Variants in MTCL2 observed in about 807,000 individuals in gnomAD.
MTCL2 encodes the protein microtubule cross-linking factor 2.
the MTCL2 span, among the ~76,000 whole-genome samples, chr20:36,831,319 G>A: frequency 6.6e-6 from 1 of 152,250 alleles, no homozygotes; most frequent in East Asian, 1.9e-4. Flanking sequence ...GTCACGCAAA[G>A]CCAGTGTGGG....
the MTCL2 span, among the ~76,000 whole-genome samples, chr20:36,792,557 T>G: frequency 1.3e-5 from 2 of 150,430 alleles, no homozygotes; most frequent in Non-Finnish European, 1.5e-5. Context: ...ATGCTGACAA[T>G]TGGCTCCTGC....
At chr20:36,790,428 C>CA in the MTCL2 span, among the ~76,000 whole-genome samples, 1 of 101,142 alleles carries the variant, frequency 9.9e-6, no homozygotes, top group Non-Finnish European at 1.9e-5. Context: ...ACGCCTGGCC[C>CA]TTTTTTTTTT....
the MTCL2 span, among the ~76,000 whole-genome samples, chr20:36,838,152 G>A: frequency 6.6e-6 from 1 of 151,794 alleles, no homozygotes; most frequent in Non-Finnish European, 1.5e-5. Flanking sequence ...GTGGGTTCAC[G>A]CCATTCTCCT....
At chr20:36,797,354 G>A in the MTCL2 span, 7 of 742,176 alleles carry the variant, frequency 9.4e-6, no homozygotes, top group Non-Finnish European at 1.5e-5. Flanking sequence ...GGAACCATGA[G>A]ATACAGACTC....
At chr20:36,797,050 T>G in the MTCL2 span, 1 of 1,045,594 alleles carries the variant, frequency 9.6e-7, no homozygotes, top group Non-Finnish European at 1.5e-6. Context: ...TTGAATCTCC[T>G]CATCCGGAGA....
At chr20:36,856,070 C>A in the MTCL2 span, among the ~76,000 whole-genome samples, 649 of 152,296 alleles carry the variant, frequency 4.3e-3, 5 homozygotes, top group African/African-American at 0.014. Context: ...GCCAGCCCAA[C>A]GCCCCTTCCC....
At chr20:36,817,560 G>C in the MTCL2 span, 2 of 1,343,228 alleles carry the variant, frequency 1.5e-6, no homozygotes, top group Non-Finnish European at 2.0e-6. Context: ...ACAGTGCCCA[G>C]GGTCCAGGGA....
At chr20:36,842,363 G>A in the MTCL2 span, among the ~76,000 whole-genome samples, 3 of 152,128 alleles carry the variant, frequency 2.0e-5, no homozygotes, top group South Asian at 2.1e-4. Flanking sequence ...GTAGAATTAC[G>A]CAGAAGAAAT....
chr20:36,786,159 G>A, the MTCL2 span: 1 of 1,018,728 alleles, frequency 9.8e-7, no homozygotes, highest in Non-Finnish European at 1.2e-6. Context: ...AGGGTGGCAT[G>A]GGCAGAACCA....
At chr20:36,785,693 ACT>A in the MTCL2 span, 287 of 985,312 alleles carry the variant, frequency 2.9e-4, 2 homozygotes, top group Admixed American at 1.1e-3. Context: ...CTTGAGACTG[ACT>A]CTACCTATTT....
chr20:36,802,955 G>A, the MTCL2 span: 2 of 1,581,070 alleles, frequency 1.3e-6, no homozygotes, highest in Non-Finnish European at 1.7e-6. Context: ...GGCTCCAGTT[G>A]CGCTCACTGA....
the MTCL2 span, among the ~76,000 whole-genome samples, chr20:36,858,463 AAC>A: frequency 7.4e-3 from 191 of 25,652 alleles, 8 homozygotes; most frequent in Admixed American, 0.012. Context: ...AAGGAGGGAA[AAC>A]ACACACACAC....
chr20:36,793,184 A>G, the MTCL2 span: 1 of 1,467,758 alleles, frequency 6.8e-7, no homozygotes, highest in Non-Finnish European at 9.0e-7. This position sits in a 1 kb window ranked among gnomAD's most constrained non-coding sequence, Gnocchi z 6.8. Context: ...TTAAAAACCA[A>G]AAGAGCTTGG....
At chr20:36,839,098 C>G in the MTCL2 span, 1 of 876,096 alleles carries the variant, frequency 1.1e-6, no homozygotes, top group East Asian at 2.5e-5. The surrounding 1 kb of genome is among the most constrained non-coding windows in gnomAD (Gnocchi z 5.1). Context: ...GAAACTGAGG[C>G]CCAGAGAGGT....
At chr20:36,817,266 CAAAAAAA>C in the MTCL2 span, 28 of 517,024 alleles carry the variant, frequency 5.4e-5, no homozygotes, top group African/African-American at 9.1e-5. Context: ...GACTCCGTCT[CAAAAAAA>C]AAAAAAAAAA....
At chr20:36,819,311 T>C in the MTCL2 span, among the ~76,000 whole-genome samples, 1 of 152,178 alleles carries the variant, frequency 6.6e-6, no homozygotes, top group African/African-American at 2.4e-5. Flanking sequence ...GCTGGTATAT[T>C]TTTGAAAATG....
chr20:36,818,927 G>A, the MTCL2 span, among the ~76,000 whole-genome samples: 1 of 152,208 alleles, frequency 6.6e-6, no homozygotes. Flanking sequence ...GGCACATGAA[G>A]ACATCAAGGC....
chr20:36,788,200 CA>C, the MTCL2 span, among the ~76,000 whole-genome samples: 22,579 of 76,606 alleles, frequency 0.29, 1,831 homozygotes, highest in Middle Eastern at 0.46. Flanking sequence ...GACTCCATCT[CA>C]AAAAAAAAAA....
the MTCL2 span, among the ~76,000 whole-genome samples, chr20:36,837,823 C>T: frequency 2.0e-5 from 3 of 151,938 alleles, no homozygotes; most frequent in Admixed American, 6.6e-5. Context: ...GTGATCTGCC[C>T]GCCTCGGCCT....
Sources: allele counts gnomAD v4.1 joint callset (sites outside exome capture counted in the v4.1 genomes callset), GRCh38; gene constraint gnomAD v4.1.1; non-coding constraint Gnocchi (gnomAD v3.1); transcripts MANE v1.5; gene names NCBI Gene and HGNC (gene_info 2026-07-23, HGNC 2026-07-21).